Variants in CPNE9 observed in about 807,000 individuals in gnomAD.
CPNE9 encodes the protein copine family member 9.
In CPNE9, 59 loss-of-function variants were observed where a neutral mutation model predicts 83.0. The observed-to-expected ratio is 0.71, with a 90% CI of 0.58 to 0.88. The LOEUF (loss-of-function observed/expected upper bound fraction) is 0.88. CPNE9 is among the 40% of genes least tolerant of loss of function. CPNE9 has a pLI of 0.00. For missense variants in CPNE9, 619 were observed against 720.8 expected, an observed-to-expected ratio of 0.86 and a Z score of 1.62; for synonymous variants, 256 against 273.4, an observed-to-expected ratio of 0.94 and a Z score of 0.63.
At position 9,705,519 on chromosome 3, in the gene CPNE9, G is replaced by T. The variant is rs1445271485; in HGVS notation, c.297+19G>T. 16 of 1,600,014 alleles carry T rather than the reference G, an allele frequency of 1.0e-5. No homozygotes were observed. Among genetic ancestry groups the T allele is most frequent in the African/African-American group, 1.4e-5 (1 of 73,046 alleles). ...CAAACCGGTGAGCAAACGTTTCCTCGAGGGTTGGCGGAGCGCACAGGAGGC... is the reference window on the plus strand; with the variant it reads ...CAAACCGGTGAGCAAACGTTTCCTCTAGGGTTGGCGGAGCGCACAGGAGGC... On this transcript the variant is annotated intron_variant, in intron 5 of 20. Coordinates refer to ENST00000383832, the MANE Select transcript of CPNE9 (RefSeq NM_153635.3).
At position 9,703,984 on chromosome 3, in the gene CPNE9, C is replaced by G. The variant is rs1362864088; in HGVS notation, c.-13C>G. 3 of 1,596,688 alleles carry G rather than the reference C, an allele frequency of 1.9e-6. No individual in the cohort carries two copies. Among genetic ancestry groups the G allele is most frequent in the South Asian group, 1.1e-5 (1 of 88,938 alleles). On this transcript the variant is annotated 5_prime_UTR_variant, in exon 1 of 21. Coordinates refer to ENST00000383832, the MANE Select transcript of CPNE9 (RefSeq NM_153635.3). ...TCTCGCAGCCTCCTGCGGCTCTGGTCGCCCGACCAGCCATGTCTCTCGGCG... is the reference window on the plus strand; with the variant it reads ...TCTCGCAGCCTCCTGCGGCTCTGGTGGCCCGACCAGCCATGTCTCTCGGCG...
At chr3:9,708,516 A>G (rs946636752) in intron 7 of CPNE9, among the ~76,000 whole-genome samples, 3 of 152,258 alleles carry the variant, frequency 2.0e-5, no homozygotes, top group Non-Finnish European at 4.4e-5. Context: ...TACAGCTCAA[A>G]TAAGATGAAG....
chr3:9,703,993 AGCCATGTCTCTCG>A lies in CPNE9; in HGVS notation c.-1_12del. ...CTCCTGCGGCTCTGGTCGCCCGACC[AGCCATGTCTCTCG>A]GCGGAGCCTCCGAGCGCAGCGTCCC... On this transcript the variant is annotated start_lost and 5_prime_UTR_variant, in exon 1 of 21. Coordinates refer to ENST00000383832, the MANE Select transcript of CPNE9 (RefSeq NM_153635.3). 5 of 1,603,420 alleles carry A rather than the reference AGCCATGTCTCTCG, an allele frequency of 3.1e-6. No individual in the cohort carries two copies. Among genetic ancestry groups the A allele is most frequent in the Non-Finnish European group, 4.2e-6 (5 of 1,177,482 alleles).
chr3:9,709,989 CAA>C (rs542047036), intron 7 of CPNE9, among the ~76,000 whole-genome samples: 13 of 57,258 alleles, frequency 2.3e-4, no homozygotes, highest in Admixed American at 4.2e-4. Flanking sequence ...GACTCCATCT[CAA>C]AAAAAAAAAA....
rs924927643 is a variant in CPNE9 at position 9,704,006 on chromosome 3, G to C, written c.10G>C (p.Gly4Arg). 14 of 1,606,238 alleles carry C rather than the reference G, an allele frequency of 8.7e-6. No individual in the cohort carries two copies. Among genetic ancestry groups the C allele is most frequent in the African/African-American group, 2.7e-5 (2 of 74,794 alleles). The change falls in exon 1 of 21, where the codon GGC becomes CGC. Residue 4 changes from glycine (G) to arginine (R), a missense_variant. Around this residue, in one of 3 missense-constraint regions of CPNE9, gnomAD observed 130 missense variants for 117.5 expected, o/e 1.11. Coordinates refer to ENST00000383832, the MANE Select transcript of CPNE9 (RefSeq NM_153635.3). The surrounding 1 kb of genome is among the most constrained non-coding windows in gnomAD (Gnocchi z 7.1). MSL[G>R]GASERSVPAT... ...GGTCGCCCGACCAGCCATGTCTCTC[G>C]GCGGAGCCTCCGAGCGCAGCGTCCC...
intron 4 of CPNE9, among the ~76,000 whole-genome samples, chr3:9,705,226 G>A (rs2076549960): frequency 6.6e-6 from 1 of 151,984 alleles, no homozygotes; most frequent in South Asian, 2.1e-4. Context: ...TCCACCTCAG[G>A]CCCGACCCCT....
At chr3:9,721,880 T>G (rs2076736939) in intron 17 of CPNE9, among the ~76,000 whole-genome samples, 1 of 152,092 alleles carries the variant, frequency 6.6e-6, no homozygotes, top group Admixed American at 6.6e-5. Context: ...TCTCTAAGCT[T>G]CAGGTTCCTC....
At chr3:9,719,768 T>C (rs2125472007) in intron 17 of CPNE9, among the ~76,000 whole-genome samples, 1 of 151,336 alleles carries the variant, frequency 6.6e-6, no homozygotes, top group South Asian at 2.1e-4. Context: ...CCGAGGTGGG[T>C]GAATCATGAG....
chr3:9,725,719 T>C (rs185984903), intron 17 of CPNE9, among the ~76,000 whole-genome samples: 1 of 148,042 alleles, frequency 6.8e-6, no homozygotes, highest in African/African-American at 2.4e-5. Flanking sequence ...TATATATGTG[T>C]ATATGTATAT....
chr3:9,725,911 T>C (rs750199169), intron 17 of CPNE9, 38 bp from the exon 18 acceptor site: 2 of 1,518,150 alleles, frequency 1.3e-6, no homozygotes, highest in Non-Finnish European at 1.8e-6. Flanking sequence ...TTGGCCTGTC[T>C]GGCTTTCAGC....
chr3:9,710,275 T>C (rs1481898682), intron 7 of CPNE9, among the ~76,000 whole-genome samples: 1 of 152,238 alleles, frequency 6.6e-6, no homozygotes, highest in Non-Finnish European at 1.5e-5. Flanking sequence ...GACAAGACAG[T>C]ATGAAATATA....
chr3:9,719,069 T>C (rs2076711454), intron 17 of CPNE9, among the ~76,000 whole-genome samples: 1 of 151,862 alleles, frequency 6.6e-6, no homozygotes, highest in Non-Finnish European at 1.5e-5. Context: ...ACTCCCAACC[T>C]CAAGTGATCC....
At chr3:9,705,742 C>G in intron 6 of CPNE9, 22 bp downstream of exon 6, 1 of 1,609,364 alleles carries the variant, frequency 6.2e-7, no homozygotes, top group Non-Finnish European at 8.5e-7. Context: ...TGGGGCTGGG[C>G]AGAGGTTGGG....
Position 9,704,887 on chromosome 3 carries a change from C to A in CPNE9, c.157-4C>A. The A allele has an allele frequency of 1.2e-6, 2 of 1,611,950 alleles. No individual in the cohort carries two copies. The highest frequency in any genetic ancestry group is 1.7e-6 in the Non-Finnish European group (2 of 1,178,786). ...CCACGCTGACCCTCCACCCCCCTACCCAGTTCGGACGGACCGAGGTGATTG... is the reference window on the plus strand; with the variant it reads ...CCACGCTGACCCTCCACCCCCCTACACAGTTCGGACGGACCGAGGTGATTG... On this transcript the variant is annotated splice_polypyrimidine_tract_variant and splice_region_variant and intron_variant, in intron 3 of 20. Transcript: ENST00000383832. This position sits in a 1 kb window ranked among gnomAD's most constrained non-coding sequence, Gnocchi z 7.1.
chr3:9,715,293 G>A lies in CPNE9; in HGVS notation c.697G>A (p.Asp233Asn), dbSNP rs778658020. The A allele has an allele frequency of 2.5e-6, 4 of 1,614,172 alleles. No individual in the cohort carries two copies. Among genetic ancestry groups the A allele is most frequent in the Non-Finnish European group, 3.4e-6 (4 of 1,180,026 alleles). ...GCCACGCCCACCTCATTGCAGCCAC[G>A]ATTTCATTGGTGAGTTCACCACCAG... ...VYDWDRDGSHDFIGEFTTSYR... is the reference protein window; with the variant it reads ...VYDWDRDGSHNFIGEFTTSYR... Residue 233 changes from aspartate to asparagine, a missense_variant, in exon 12 of 21, where the codon GAT (aspartate) becomes AAT (asparagine). Asp to Asn is a conservative substitution (Grantham distance 23). Coordinates refer to ENST00000383832, the MANE Select transcript of CPNE9 (RefSeq NM_153635.3).
In CPNE9 at chr3:9,704,564, G is replaced by A. The variant is rs571231612; in HGVS notation, c.69-23G>A. The A allele has an allele frequency of 3.1e-6, 5 of 1,607,842 alleles. No individual in the cohort carries two copies. In the Admixed American group the frequency reaches 6.7e-5, roughly 21 times the overall value. On this transcript the variant is annotated intron_variant, in intron 1 of 20. Transcript: ENST00000383832. This position sits in a 1 kb window ranked among gnomAD's most constrained non-coding sequence, Gnocchi z 7.1. ...GGCGGACTCCAGGATGATCCACTCT[G>A]TCTGTCTGTTGCTTTTCTCTAGGAA...
At position 9,706,000 on chromosome 3, in the gene CPNE9, A is replaced by C. The variant is rs2076560325; in HGVS notation, c.314A>C (p.Gln105Pro). 2.5e-6 allele frequency: 4 copies of C among 1,613,574 alleles called. No individual in the cohort carries two copies. Among genetic ancestry groups the C allele is most frequent in the Non-Finnish European group, 2.5e-6 (3 of 1,179,998 alleles). ...NISKPKDFLGQAFLALGEVIG... is the reference protein window; with the variant it reads ...NISKPKDFLGPAFLALGEVIG... Reference sequence around the variant, plus strand: ...TGTCCTGCATAGGATTTCCTGGGACAAGCGTTCCTGGCCCTGGGAGAGGTG... The same window carrying C: ...TGTCCTGCATAGGATTTCCTGGGACCAGCGTTCCTGGCCCTGGGAGAGGTG... Residue 105 changes from glutamine (Q) to proline (P), a missense_variant, in exon 7 of 21, where the codon CAA (glutamine) becomes CCA (proline). By Grantham distance (76) the Gln-to-Pro change is moderately conservative. This residue lies in a region of CPNE9 where 438 missense variants were observed against 562.9 expected (regional missense o/e 0.78). Transcript: ENST00000383832.
rs1559646272 is a variant in CPNE9 at position 9,725,699 on chromosome 3, T to TGTATATATGTATATAC, written c.1242-250_1242-249insGTATATATGTATATAC. 1.5e-4 allele frequency among the ~76,000 whole-genome samples: 20 copies of TGTATATATGTATATAC among 137,236 alleles called. 1 individual carries two copies. The highest frequency in any genetic ancestry group is 8.7e-4 in the Admixed American group (12 of 13,738). 90.0% of individuals were successfully genotyped at this position (137,236 alleles called of 152,430 possible). On this transcript the variant is annotated intron_variant, in intron 17 of 20. Coordinates refer to ENST00000383832, the MANE Select transcript of CPNE9 (RefSeq NM_153635.3). ...GTGTATATATATATACATATATGTG[T>TGTATATATGTATATAC]ATATATGTGTATATATGTGTATATG...
At chr3:9,724,719 CCTATCTAT>C (rs56320778) in intron 17 of CPNE9, among the ~76,000 whole-genome samples, 52,645 of 146,540 alleles carry the variant, frequency 0.36, 9,549 homozygotes, top group African/African-American at 0.43. Flanking sequence ...ACATCAGGAT[CCTATCTAT>C]CTATCTATCT....
Sources: gnomAD v4.1 joint callset for allele counts (sites outside exome capture counted in the v4.1 genomes callset) on GRCh38, gnomAD v4.1.1 for gene constraint, gnomAD v4.1.1 regional missense constraint, Gnocchi (gnomAD v3.1) non-coding constraint, MANE v1.5 for transcripts, NCBI Gene and HGNC (gene_info 2026-07-23, HGNC 2026-07-21) for gene names.